Variants in AIG1 observed in about 807,000 individuals in gnomAD.
AIG1 encodes the protein androgen-induced gene 1 protein.
A neutral mutation model predicts 31.4 loss-of-function variants in AIG1; 23 were observed. The observed-to-expected ratio is 0.73, with a 90% CI of 0.53 to 1.04. The LOEUF is 1.04. Ranked by LOEUF, AIG1 falls within the 50% of genes least tolerant of loss-of-function variation. The probability of loss-of-function intolerance (pLI) is 0.00; values close to 1 mark genes in which losing one functional copy is unlikely to be tolerated. For missense variants in AIG1, 274 were observed against 295.0 expected (o/e 0.93, Z 0.52); for synonymous variants, 100 against 110.5 (o/e 0.90, Z 0.60).
intron 3 of AIG1, among the ~76,000 whole-genome samples, chr6:143,263,354 A>G (rs1405518014): frequency 6.6e-6 from 1 of 151,490 alleles, no homozygotes; most frequent in Non-Finnish European, 1.5e-5. Flanking sequence ...TGTCAGGAAC[A>G]TGCCGATTTG....
Position 143,329,375 on chromosome 6 carries a change from A to G in AIG1, c.516-3907A>G, listed in dbSNP as rs1025404743. Among the ~76,000 whole-genome samples, 2 of 152,228 alleles carry G rather than the reference A, an allele frequency of 1.3e-5. No homozygotes were observed. The highest frequency in any genetic ancestry group is 4.8e-5 in the African/African-American group (2 of 41,458). On this transcript the variant is annotated intron_variant, in intron 4 of 5. Transcript: ENST00000357847. This position sits in a 1 kb window ranked among gnomAD's most constrained non-coding sequence, Gnocchi z 4.9. ...TCATACCTAATAGGGTGGTTGTACA[A>G]AGTAAAGGAGATTACATCTCATGTT...
At chr6:143,211,359 A>T (rs1024175193) in intron 3 of AIG1, among the ~76,000 whole-genome samples, 1 of 152,138 alleles carries the variant, frequency 6.6e-6, no homozygotes, top group African/African-American at 2.4e-5. Context: ...AATTGCATTG[A>T]TGTGTATTGC....
At chr6:143,139,579 T>C (rs907033107) in intron 2 of AIG1, among the ~76,000 whole-genome samples, 1 of 152,190 alleles carries the variant, frequency 6.6e-6, no homozygotes, top group African/African-American at 2.4e-5. Context: ...TAATCATCCC[T>C]GTTACTGTGA....
chr6:143,183,986 A>T (rs1788984965), intron 3 of AIG1, among the ~76,000 whole-genome samples: 1 of 152,192 alleles, frequency 6.6e-6, no homozygotes, highest in Non-Finnish European at 1.5e-5. Flanking sequence ...CTCAGCACAC[A>T]TCATTGTTGC....
intron 3 of AIG1, among the ~76,000 whole-genome samples, chr6:143,204,010 G>A (rs956899470): frequency 1.3e-5 from 2 of 152,150 alleles, no homozygotes; most frequent in African/African-American, 2.4e-5. Context: ...AACATGGTGG[G>A]ACTGAGGGAA....
intron 1 of AIG1, among the ~76,000 whole-genome samples, chr6:143,092,859 G>C (rs1242917735): frequency 6.6e-6 from 1 of 152,066 alleles, no homozygotes; most frequent in South Asian, 2.1e-4. Context: ...AGACTAGCCT[G>C]GGCAACATAG....
At position 143,064,545 on chromosome 6, in the gene AIG1, A is replaced by G. The variant is rs138963207; in HGVS notation, c.141+3479A>G. 2.1e-3 allele frequency among the ~76,000 whole-genome samples: 325 copies of G among 152,376 alleles called. 3 individuals carry two copies. Among genetic ancestry groups the G allele is most frequent in the African/African-American group, 7.5e-3 (310 of 41,584 alleles). On this transcript the variant is annotated intron_variant, in intron 1 of 5. Coordinates refer to ENST00000357847, the MANE Select transcript of AIG1 (RefSeq NM_016108.4). ...TAAATTTGTGTCATTTAAGCCATTC[A>G]ATTGATAGTAATTGGTTACCACAGT...
At chr6:143,114,324 C>A (rs1346314531) in intron 1 of AIG1, among the ~76,000 whole-genome samples, 1 of 152,136 alleles carries the variant, frequency 6.6e-6, no homozygotes, top group African/African-American at 2.4e-5. Flanking sequence ...TAAAACAATG[C>A]TAAATAATTC....
intron 3 of AIG1, among the ~76,000 whole-genome samples, chr6:143,242,208 AAAC>A (rs1157283146): frequency 6.6e-6 from 1 of 152,196 alleles, no homozygotes; most frequent in Non-Finnish European, 1.5e-5. Flanking sequence ...CAAATTTCAG[AAAC>A]AACAAGGGAT....
intron 4 of AIG1, among the ~76,000 whole-genome samples, chr6:143,311,233 A>G (rs913428834): frequency 6.6e-6 from 1 of 151,918 alleles, no homozygotes; most frequent in Admixed American, 6.6e-5. Flanking sequence ...ACAATGTATA[A>G]AAACAATTAT....
Position 143,340,484 on chromosome 6 carries a change from G to A in AIG1, c.*808G>A, listed in dbSNP as rs914926836. 1.1e-4 allele frequency among the ~76,000 whole-genome samples: 17 copies of A among 150,676 alleles called. No individual in the cohort carries two copies. Among genetic ancestry groups the A allele is most frequent in the African/African-American group, 4.2e-4 (17 of 40,810 alleles). ...ATTTTTTTTTTCTTTTTTTCCAGAT[G>A]GAGTCTCACTCTGTCGCCCAGGCTG... is the stretch of plus-strand genomic sequence containing the variant. On this transcript the variant is annotated 3_prime_UTR_variant, in exon 6 of 6. Transcript: ENST00000357847.
intron 3 of AIG1, among the ~76,000 whole-genome samples, chr6:143,209,414 G>A (rs1462880756): frequency 1.3e-5 from 2 of 152,196 alleles, no homozygotes; most frequent in African/African-American, 4.8e-5. Flanking sequence ...TTTAAGATAA[G>A]GAGATTATCC....
intron 3 of AIG1, among the ~76,000 whole-genome samples, chr6:143,239,360 G>C (rs1368500844): frequency 6.6e-6 from 1 of 152,176 alleles, no homozygotes; most frequent in African/African-American, 2.4e-5. Flanking sequence ...AAACCTTCAC[G>C]ACCCACAGAA....
intron 3 of AIG1, among the ~76,000 whole-genome samples, chr6:143,230,093 C>T (rs921866274): frequency 1.3e-5 from 2 of 152,056 alleles, no homozygotes; most frequent in South Asian, 2.1e-4. Flanking sequence ...AATAGCAACC[C>T]GATTAGGTTT....
chr6:143,085,620 G>T (rs1778697979), intron 1 of AIG1, among the ~76,000 whole-genome samples: 1 of 152,194 alleles, frequency 6.6e-6, no homozygotes, highest in Admixed American at 6.5e-5. Flanking sequence ...TTCAGAGAGG[G>T]TGTAGGTAAC....
chr6:143,091,088 G>C (rs1340709836), intron 1 of AIG1, among the ~76,000 whole-genome samples: 1 of 152,084 alleles, frequency 6.6e-6, no homozygotes, highest in Non-Finnish European at 1.5e-5. Context: ...TCGTCTATAA[G>C]AAGCAATACC....
intron 3 of AIG1, among the ~76,000 whole-genome samples, chr6:143,175,734 A>G (rs989732451): frequency 5.3e-5 from 8 of 152,018 alleles, no homozygotes; most frequent in African/African-American, 1.9e-4. Flanking sequence ...GATTTCTTTT[A>G]AGTTGGATTC....
chr6:143,251,352 G>A (rs1158967384), intron 3 of AIG1, among the ~76,000 whole-genome samples: 3 of 152,060 alleles, frequency 2.0e-5, no homozygotes, highest in East Asian at 1.9e-4. Flanking sequence ...GTGCCCGGCC[G>A]ATTGTTGTTT....
At position 143,187,861 on chromosome 6, in the gene AIG1, G is replaced by C; in HGVS notation, c.399+22678G>C. ...CCATTTCTCAAGCGATGTACAGAAG[G>C]GTATCCGCAGCATTGTCAAAAATTA... On this transcript the variant is annotated intron_variant, in intron 3 of 5. Coordinates refer to ENST00000357847, the MANE Select transcript of AIG1 (RefSeq NM_016108.4). 3 of 1,424,414 alleles carry C rather than the reference G, an allele frequency of 2.1e-6. No homozygotes were observed. In the East Asian group the frequency reaches 7.6e-5, roughly 36 times the overall value. 88.2% of individuals were successfully genotyped at this position (1,424,414 alleles called of 1,614,324 possible). A position where few individuals can be genotyped will look rare whatever the true frequency, so the allele number is the denominator to read the frequency against.
Sources: allele counts gnomAD v4.1 joint callset (sites outside exome capture counted in the v4.1 genomes callset), GRCh38; gene constraint gnomAD v4.1.1; non-coding constraint Gnocchi (gnomAD v3.1); transcripts MANE v1.5; gene names NCBI Gene and HGNC (gene_info 2026-07-23, HGNC 2026-07-21).